Variants in IFT88 observed in about 807,000 individuals in gnomAD.
The protein encoded by IFT88 is intraflagellar transport protein 88 homolog.
IFT88 carries 74 observed loss-of-function variants against 119.5 expected under a neutral mutation model. The observed-to-expected ratio is 0.62, with a 90% CI of 0.51 to 0.75. IFT88 has a LOEUF of 0.75. Ranked by LOEUF, IFT88 falls within the 30% of genes least tolerant of loss-of-function variation. The pLI, the probability that IFT88 is intolerant of heterozygous loss-of-function variation, is 0.00. For synonymous variants in IFT88, 279 were observed against 316.7 expected (o/e 0.88, Z 1.26); for missense variants, 961 against 977.7 (o/e 0.98, Z 0.23).
intron 16 of IFT88, chr13:20,631,880 C>G (rs2048258255): frequency 6.6e-6 from 1 of 152,132 alleles, no homozygotes; most frequent in Non-Finnish European, 1.5e-5. Flanking sequence ...GGTGTGGTGC[C>G]TCAAGCCTAT....
At chr13:20,592,531 G>T (rs1184926217) in intron 7 of IFT88, 127 bp downstream of exon 7, 3 of 613,648 alleles carry the variant, frequency 4.9e-6, no homozygotes, top group Non-Finnish European at 8.3e-6. Context: ...GTGCAGTGAT[G>T]CGATCTTGGC....
intron 24 of IFT88, among the ~76,000 whole-genome samples, chr13:20,674,731 T>A (rs1319452702): frequency 3.4e-4 from 46 of 137,208 alleles, no homozygotes; most frequent in Admixed American, 6.5e-4. Context: ...TATATTTTTT[T>A]TTTTTTTTTT....
chr13:20,671,049 TTC>T lies in IFT88; in HGVS notation c.2242+14_2242+15del, dbSNP rs1220405205. 2.5e-6 allele frequency: 4 copies of T among 1,612,138 alleles called. No homozygotes were observed. The highest frequency in any genetic ancestry group is 1.3e-5 in the African/African-American group (1 of 74,858). Reference sequence around the variant, plus strand: ...GGAAGTGCTAGCGGTGGTAAGTATTTTCTCTTTCCCTGAAAAACTTGGTTTCC... The same window carrying T: ...GGAAGTGCTAGCGGTGGTAAGTATTTTCTTTCCCTGAAAAACTTGGTTTCC... On this transcript the variant is annotated intron_variant, in intron 24 of 25. Transcript: ENST00000351808.
chr13:20,656,122 T>TA (rs60352862), intron 21 of IFT88, among the ~76,000 whole-genome samples: 14 of 104,782 alleles, frequency 1.3e-4, no homozygotes, highest in African/African-American at 3.8e-4. Context: ...CTCGTCTCTT[T>TA]AAAAAAAAAA....
In IFT88 at chr13:20,684,315, G is replaced by T. The variant is rs543537390; in HGVS notation, c.2243-6390G>T. 6.6e-5 allele frequency among the ~76,000 whole-genome samples: 10 copies of T among 152,326 alleles called. 1 individual carries two copies. The South Asian group carries it at 2.1e-3, about 32-fold the overall frequency. ...CCTCTGGAAAAGAGAGATTTGGAGA[G>T]TCAGGCCACTCTTTTTCTTCAAAAT... On this transcript the variant is annotated intron_variant, in intron 24 of 25. Transcript: ENST00000351808.
At chr13:20,640,547 T>C (rs2049746187) in intron 17 of IFT88, among the ~76,000 whole-genome samples, 1 of 151,358 alleles carries the variant, frequency 6.6e-6, no homozygotes, top group African/African-American at 2.4e-5. Context: ...CACTCCAGCC[T>C]GGGCGACAGA....
At chr13:20,597,639 G>C (rs1225143531) in intron 9 of IFT88, among the ~76,000 whole-genome samples, 1 of 151,894 alleles carries the variant, frequency 6.6e-6, no homozygotes, top group East Asian at 1.9e-4. Context: ...AGCTACTTGG[G>C]AGGCTGGAGC....
intron 17 of IFT88, among the ~76,000 whole-genome samples, chr13:20,641,007 C>T (rs148361814): frequency 2.1e-3 from 324 of 152,106 alleles, no homozygotes; most frequent in African/African-American, 6.9e-3. Flanking sequence ...ATTAGCTGGG[C>T]GTGGTAGCAC....
Position 20,663,162 on chromosome 13 carries a change from C to T in IFT88, c.2069-336C>T, listed in dbSNP as rs2054104648. On this transcript the variant is annotated intron_variant, in intron 22 of 25. Transcript: ENST00000351808. ...CTTTTTAGCCTAGTCTCTCTTATAGCTCTTTATATGTATTTATGAAACTGC... is the reference window on the plus strand; with the variant it reads ...CTTTTTAGCCTAGTCTCTCTTATAGTTCTTTATATGTATTTATGAAACTGC... 1.0e-5 allele frequency: 10 copies of T among 959,030 alleles called. No homozygotes were observed. In the South Asian group the frequency reaches 1.5e-4, roughly 15 times the overall value. The allele number at this position is 959,030 out of a possible 1,614,324, so 59.4% of individuals were successfully genotyped here.
intron 22 of IFT88, among the ~76,000 whole-genome samples, chr13:20,657,762 A>AAAATAAAT (rs532121643): frequency 0.03 from 4,541 of 151,120 alleles, 234 homozygotes; most frequent in African/African-American, 0.1. Flanking sequence ...ATTCTGTCTC[A>AAAATAAAT]AAATAAATAA....
chr13:20,600,970 A>G (rs2042495840), intron 11 of IFT88, among the ~76,000 whole-genome samples: 2 of 152,254 alleles, frequency 1.3e-5, no homozygotes, highest in African/African-American at 4.8e-5. Context: ...ACAAAATGGA[A>G]GAATCTCAAA....
intron 10 of IFT88, 124 bp downstream of exon 10, chr13:20,598,877 TA>T (rs1027034571): frequency 1.2e-4 from 70 of 591,472 alleles, no homozygotes; most frequent in South Asian, 6.8e-4. Flanking sequence ...GTATTTATGA[TA>T]GGGGTATCCT....
intron 24 of IFT88, among the ~76,000 whole-genome samples, chr13:20,672,050 A>G (rs2055964304): frequency 6.6e-6 from 1 of 152,230 alleles, no homozygotes; most frequent in African/African-American, 2.4e-5. Context: ...GGAAAGACAC[A>G]CAGCTTCTAA....
At chr13:20,656,124 A>AAAAAAAAAAG (rs1397585498) in intron 21 of IFT88, among the ~76,000 whole-genome samples, 1 of 150,212 alleles carries the variant, frequency 6.7e-6, no homozygotes, top group Non-Finnish European at 1.5e-5. Context: ...CGTCTCTTTA[A>AAAAAAAAAAG]AAAAAAAAAA....
chr13:20,685,503 A>G (rs943307323), intron 24 of IFT88, among the ~76,000 whole-genome samples: 1 of 152,228 alleles, frequency 6.6e-6, no homozygotes, highest in African/African-American at 2.4e-5. Flanking sequence ...TTTATTAACT[A>G]AATTCTGCTG....
chr13:20,601,186 T>C (rs2042538627), intron 11 of IFT88, among the ~76,000 whole-genome samples: 1 of 152,078 alleles, frequency 6.6e-6, no homozygotes, highest in South Asian at 2.1e-4. Flanking sequence ...ACCAGTATGG[T>C]GAAACCCCGT....
At chr13:20,578,865 A>G (rs775488950) in intron 2 of IFT88, among the ~76,000 whole-genome samples, 28 of 152,102 alleles carry the variant, frequency 1.8e-4, no homozygotes, top group Admixed American at 4.6e-4. Context: ...TCACATTTCT[A>G]TGGTATCAGT....
In IFT88 at chr13:20,588,495, T is replaced by C. The variant is rs967436294; in HGVS notation, c.154-1316T>C. Reference sequence around the variant, plus strand: ...GAGAGACATTATAAATGAAAAATTTTAGAGATACTTTATGGCTCTATGTCT... The same window carrying C: ...GAGAGACATTATAAATGAAAAATTTCAGAGATACTTTATGGCTCTATGTCT... On this transcript the variant is annotated intron_variant, in intron 3 of 25. Transcript: ENST00000351808. 3.3e-5 allele frequency among the ~76,000 whole-genome samples: 5 copies of C among 152,200 alleles called. No homozygotes were observed. In the East Asian group the frequency reaches 7.7e-4, roughly 23 times the overall value.
chr13:20,585,076 C>T (rs957016219), intron 3 of IFT88, among the ~76,000 whole-genome samples: 2 of 152,206 alleles, frequency 1.3e-5, no homozygotes, highest in African/African-American at 2.4e-5. Context: ...CCCTGTCCTA[C>T]GTACTTATCT....
Sources: allele counts gnomAD v4.1 joint callset (sites outside exome capture counted in the v4.1 genomes callset), GRCh38; gene constraint gnomAD v4.1.1; transcripts MANE v1.5; gene names NCBI Gene and HGNC (gene_info 2026-07-23, HGNC 2026-07-21).